DDX17: variants seen among roughly 807,000 people sequenced by gnomAD.
The protein encoded by DDX17 is probable ATP-dependent RNA helicase DDX17.
DDX17 carries 10 observed loss-of-function variants against 80.8 expected under a neutral mutation model. The observed-to-expected ratio is 0.12, with a 90% CI of 0.08 to 0.21. The LOEUF is 0.21. DDX17 is among the 10% of genes least tolerant of loss of function. The pLI, the probability that DDX17 is intolerant of heterozygous loss-of-function variation, is 1.00. For missense variants in DDX17, 586 were observed against 957.4 expected (o/e 0.61, Z 5.12); for synonymous variants, 339 against 336.2 (o/e 1.01, Z -0.09).
In DDX17 at chr22:38,493,734, G is replaced by A; in HGVS notation, c.1363C>T (p.Pro455Ser). 2 of 1,613,506 alleles carry A rather than the reference G, an allele frequency of 1.2e-6. No individual in the cohort carries two copies. Among genetic ancestry groups the A allele is most frequent in the Non-Finnish European group, 1.7e-6 (2 of 1,179,462 alleles). ...CCATTAAGTACCCAATCTCTTTCTG[G>A]TTGACTCTTGTCTCCATGGATACAC... The change falls in exon 10 of 13, where the codon CCA becomes TCA. Residue 455 changes from proline (P) to serine (S), a missense_variant. Pro to Ser is a moderately conservative substitution (Grantham distance 74, BLOSUM62 -1). Transcript: ENST00000403230.
chr22:38,497,488 C>T (rs2089780452), intron 5 of DDX17, among the ~76,000 whole-genome samples: 1 of 150,442 alleles, frequency 6.6e-6, no homozygotes, highest in Non-Finnish European at 1.5e-5. Flanking sequence ...AGTGGTGGTG[C>T]ACGCCTTTAA....
At chr22:38,505,738 A>C in intron 1 of DDX17, 1 of 561,330 alleles carries the variant, frequency 1.8e-6, no homozygotes, top group Non-Finnish European at 3.0e-6. Flanking sequence ...GTCCGCACGG[A>C]GAGGCCCAGC....
chr22:38,490,290 C>T, intron 11 of DDX17: 5 of 1,268,294 alleles, frequency 3.9e-6, no homozygotes, highest in Non-Finnish European at 5.1e-6. Flanking sequence ...AACCTTTTGT[C>T]TGAAAGGCCC....
In DDX17 at chr22:38,485,851, A is replaced by G; in HGVS notation, c.*84T>C. The G allele has an allele frequency of 6.8e-7, 1 of 1,465,236 alleles. No individual in the cohort carries two copies. The allele number at this position is 1,465,236 out of a possible 1,614,324, so 90.8% of individuals were successfully genotyped here. A position where few individuals can be genotyped will look rare whatever the true frequency, so the allele number is the denominator to read the frequency against. ...AAAAAGAAAAAAGGAAAAAAAAAGA[A>G]AAGGCGAAGAGGAAAAAAAAAGGAA... On this transcript the variant is annotated 3_prime_UTR_variant, in exon 13 of 13. Coordinates refer to ENST00000403230, the MANE Select transcript of DDX17 (RefSeq NM_006386.5).
chr22:38,487,813 G>C (rs2089675169), intron 12 of DDX17, 66 bp downstream of exon 12: 2 of 1,555,252 alleles, frequency 1.3e-6, no homozygotes, highest in Non-Finnish European at 1.8e-6. Context: ...GCAACTAAAA[G>C]CAAGTCACAG....
chr22:38,491,396 T>A, intron 11 of DDX17: 1 of 152,178 alleles, frequency 6.6e-6, no homozygotes, highest in East Asian at 1.9e-4. Flanking sequence ...TGGGCTAAAC[T>A]ACCATAAAAT....
intron 1 of DDX17, among the ~76,000 whole-genome samples, chr22:38,504,412 G>A (rs2089859734): frequency 1.3e-5 from 2 of 152,156 alleles, no homozygotes; most frequent in South Asian, 4.1e-4. Context: ...GGGTACCTGT[G>A]CAAGGATTTC....
intron 1 of DDX17, among the ~76,000 whole-genome samples, chr22:38,502,858 C>G (rs1028309266): frequency 6.6e-6 from 1 of 152,208 alleles, no homozygotes; most frequent in Non-Finnish European, 1.5e-5. Flanking sequence ...CTTGTAACTT[C>G]ATCTTATATA....
chr22:38,492,843 G>T (rs1312885712), intron 10 of DDX17, among the ~76,000 whole-genome samples: 2 of 152,036 alleles, frequency 1.3e-5, no homozygotes, highest in Non-Finnish European at 2.9e-5. Context: ...CTTCCCTTAA[G>T]AGTAGTCCTG....
At chr22:38,488,146 G>A (rs755477122) in intron 11 of DDX17, 31 bp from the exon 12 acceptor site, 3 of 1,612,890 alleles carry the variant, frequency 1.9e-6, no homozygotes, top group African/African-American at 2.7e-5. Flanking sequence ...CAGTGTGTAG[G>A]TTGATGTGGC....
intron 5 of DDX17, among the ~76,000 whole-genome samples, chr22:38,497,619 C>CAAAAAAAAAAAAAAAAAAAAAAA (rs138449): frequency 1.3e-5 from 1 of 74,888 alleles, no homozygotes; most frequent in African/African-American, 5.6e-5. Context: ...AATATATCTC[C>CAAAAAAAAAAAAAAAAAAAAAAA]AAAAAAAAAA....
chr22:38,498,702 T>C (rs2089794739), intron 3 of DDX17, 129 bp from the exon 4 acceptor site: 4 of 975,514 alleles, frequency 4.1e-6, no homozygotes, highest in Non-Finnish European at 6.0e-6. Context: ...GCTTTTTCTT[T>C]ATCTACTAGA....
At chr22:38,498,953 A>G (rs2089798467) in intron 3 of DDX17, among the ~76,000 whole-genome samples, 1 of 152,188 alleles carries the variant, frequency 6.6e-6, no homozygotes, top group Non-Finnish European at 1.5e-5. Context: ...CAGAGGAGGT[A>G]GTGAGCTGAG....
At chr22:38,499,263 A>G in intron 3 of DDX17, 137 bp downstream of exon 3, 1 of 667,450 alleles carries the variant, frequency 1.5e-6, no homozygotes, top group Non-Finnish European at 2.6e-6. Flanking sequence ...ATACTAGAAC[A>G]GAACTGATGA....
At position 38,505,981 on chromosome 22, in the gene DDX17, C is replaced by T; in HGVS notation, c.257G>A (p.Gly86Glu). Residue 86 changes from glycine (G) to glutamate (E), a missense_variant, in exon 1 of 13, where the codon GGG becomes GAG. Physicochemically the swap from Gly to Glu is moderately conservative, Grantham distance 98 (BLOSUM62 -2). Coordinates refer to ENST00000403230, the MANE Select transcript of DDX17 (RefSeq NM_006386.5). ...ACGGTCACGATCCCGGTCCCGGTCC[C>T]CAAAGCCTCCTCCGCGCATGGTCCC... 2 of 1,592,412 alleles carry T rather than the reference C, an allele frequency of 1.3e-6. No individual in the cohort carries two copies. The highest frequency in any genetic ancestry group is 1.7e-6 in the Non-Finnish European group (2 of 1,169,910).
At chr22:38,495,456 A>C (rs556583551) in intron 6 of DDX17, among the ~76,000 whole-genome samples, 1 of 152,138 alleles carries the variant, frequency 6.6e-6, no homozygotes, top group Non-Finnish European at 1.5e-5. Flanking sequence ...CATGTTAGCC[A>C]GGATGGTCCC....
At chr22:38,502,892 G>T (rs1301062504) in intron 1 of DDX17, among the ~76,000 whole-genome samples, 1 of 152,062 alleles carries the variant, frequency 6.6e-6, no homozygotes, top group Admixed American at 6.6e-5. Flanking sequence ...TCATTGATAG[G>T]CAAGTAGGTG....
At position 38,489,873 on chromosome 22, in the gene DDX17, A is replaced by T. The variant is rs1193397693; in HGVS notation, c.1448-1758T>A. 1 of 986,008 alleles carries T rather than the reference A, an allele frequency of 1.0e-6. No homozygotes were observed. Among genetic ancestry groups the T allele is most frequent in the Non-Finnish European group, 1.2e-6 (1 of 830,362 alleles). 61.1% of individuals were successfully genotyped at this position (986,008 alleles called of 1,614,324 possible). On this transcript the variant is annotated intron_variant, in intron 11 of 12. Transcript: ENST00000403230. The surrounding 1 kb of genome is among the most constrained non-coding windows in gnomAD (Gnocchi z 4.6). ...GGGGTGGGGAATTCTACTCCATGGT[A>T]TCTTCAGAGCTAGGATAATGCTCCT... is the stretch of plus-strand genomic sequence containing the variant.
intron 12 of DDX17, among the ~76,000 whole-genome samples, chr22:38,486,991 A>G (rs1258516971): frequency 6.6e-6 from 1 of 152,088 alleles, no homozygotes; most frequent in Non-Finnish European, 1.5e-5. Context: ...AACATGGTGA[A>G]ACCCTGTCTC....
Sources: allele counts gnomAD v4.1 joint callset (sites outside exome capture counted in the v4.1 genomes callset), GRCh38; gene constraint gnomAD v4.1.1; non-coding constraint Gnocchi (gnomAD v3.1); transcripts MANE v1.5; gene names NCBI Gene and HGNC (gene_info 2026-07-23, HGNC 2026-07-21).